Variants in VCF1 observed in about 807,000 individuals in gnomAD.
VCF1 encodes the protein VCP nuclear cofactor family member 1.
the VCF1 span, among the ~76,000 whole-genome samples, chr17:73,230,834 G>A: frequency 6.6e-6 from 1 of 152,182 alleles, no homozygotes; most frequent in Non-Finnish European, 1.5e-5. Context: ...CAAGATAAAA[G>A]GAATCTACTG....
At chr17:73,212,879 A>G in the VCF1 span, 22 of 505,668 alleles carry the variant, frequency 4.4e-5, 1 homozygote, top group Non-Finnish European at 6.2e-5. Flanking sequence ...AGATTAGGGA[A>G]GATTTCTGTA....
the VCF1 span, chr17:73,209,088 A>G: frequency 5.3e-6 from 1 of 189,796 alleles, no homozygotes; most frequent in East Asian, 1.5e-4. Flanking sequence ...TATATTTTGG[A>G]AAAAAACTTA....
the VCF1 span, among the ~76,000 whole-genome samples, chr17:73,220,504 G>A: frequency 6.6e-6 from 1 of 151,866 alleles, no homozygotes; most frequent in Non-Finnish European, 1.5e-5. Context: ...GAGTGCGGTG[G>A]TGCGATCTCA....
At chr17:73,227,197 T>G in the VCF1 span, 4 of 1,589,098 alleles carry the variant, frequency 2.5e-6, no homozygotes, top group Non-Finnish European at 3.4e-6. Flanking sequence ...AAGACAGGGT[T>G]TCTGCTACTT....
chr17:73,222,028 T>C, the VCF1 span, among the ~76,000 whole-genome samples: 1 of 99,636 alleles, frequency 1.0e-5, no homozygotes, highest in Admixed American at 1.3e-4. Context: ...AGAGCGAGAC[T>C]CTGTCTCAAA....
At chr17:73,231,094 G>A in the VCF1 span, among the ~76,000 whole-genome samples, 1 of 152,148 alleles carries the variant, frequency 6.6e-6, no homozygotes, top group East Asian at 1.9e-4. Flanking sequence ...TATACAAGGA[G>A]AGGCTTTATG....
chr17:73,217,059 G>A, the VCF1 span, among the ~76,000 whole-genome samples: 1 of 152,230 alleles, frequency 6.6e-6, no homozygotes, highest in Non-Finnish European at 1.5e-5. Context: ...GCTGGGCCCA[G>A]TGGCTCATGC....
At chr17:73,217,352 C>T in the VCF1 span, among the ~76,000 whole-genome samples, 1,717 of 136,772 alleles carry the variant, frequency 0.013, 15 homozygotes, top group Middle Eastern at 0.023. Context: ...GACTGTATCT[C>T]AATTAAAAAA....
chr17:73,232,203 G>A, the VCF1 span: 1 of 1,610,988 alleles, frequency 6.2e-7, no homozygotes, highest in Non-Finnish European at 8.5e-7. Context: ...ACCCCCTCGG[G>A]CCTTGGCTCT....
chr17:73,230,561 AT>A, the VCF1 span, among the ~76,000 whole-genome samples: 5 of 151,920 alleles, frequency 3.3e-5, no homozygotes, highest in Admixed American at 6.6e-5. Flanking sequence ...GGCCCAACTA[AT>A]TTTTTTGTAT....
chr17:73,212,710 T>C, the VCF1 span: 1 of 1,594,916 alleles, frequency 6.3e-7, no homozygotes, highest in Non-Finnish European at 8.5e-7. Flanking sequence ...CTTAGTCTGT[T>C]TTCTTTACTG....
At chr17:73,213,245 GA>G in the VCF1 span, among the ~76,000 whole-genome samples, 34 of 145,610 alleles carry the variant, frequency 2.3e-4, no homozygotes, top group Non-Finnish European at 3.0e-4. Flanking sequence ...TGTCTCAAAA[GA>G]AAAAAAAAAA....
At chr17:73,207,916 A>G in the VCF1 span, 1 of 1,187,668 alleles carries the variant, frequency 8.4e-7, no homozygotes. Context: ...TGGCTTTAAA[A>G]GTTGGGAGAT....
At chr17:73,212,831 G>A in the VCF1 span, 1 of 843,592 alleles carries the variant, frequency 1.2e-6, no homozygotes. Flanking sequence ...TAGCACAAGG[G>A]TGATGCTACT....
the VCF1 span, among the ~76,000 whole-genome samples, chr17:73,216,549 A>G: frequency 1.5e-4 from 23 of 152,132 alleles, no homozygotes; most frequent in Admixed American, 1.5e-3. Flanking sequence ...TGAGTGGGGA[A>G]AAGAGCCCAC....
the VCF1 span, among the ~76,000 whole-genome samples, chr17:73,218,713 C>T: frequency 2.0e-5 from 3 of 151,768 alleles, no homozygotes; most frequent in Admixed American, 6.6e-5. Context: ...GGAGAAACCC[C>T]GTCTCTACTA....
the VCF1 span, chr17:73,208,788 T>G: frequency 5.3e-6 from 2 of 376,630 alleles, no homozygotes; most frequent in Admixed American, 7.7e-5. Flanking sequence ...TACATATTAC[T>G]TTACTTGCAG....
chr17:73,209,721 G>A, the VCF1 span: 1 of 985,096 alleles, frequency 1.0e-6, no homozygotes, highest in Non-Finnish European at 1.4e-6. Flanking sequence ...GGCTATTGAT[G>A]CTGCTGCTGC....
the VCF1 span, chr17:73,229,547 C>G: frequency 1.0e-6 from 1 of 985,340 alleles, no homozygotes; most frequent in Non-Finnish European, 1.2e-6. Flanking sequence ...CCTGTCATCT[C>G]CTAGAGACTC....
Sources: allele counts gnomAD v4.1 joint callset (sites outside exome capture counted in the v4.1 genomes callset), GRCh38; gene constraint gnomAD v4.1.1; transcripts MANE v1.5; gene names NCBI Gene and HGNC (gene_info 2026-07-23, HGNC 2026-07-21).